The following MTF1 variants were observed in gnomAD, a reference collection of about 807,000 sequenced individuals.
MTF1 encodes metal regulatory transcription factor 1, also known as MRE-binding transcription factor.
MTF1 carries 22 observed loss-of-function variants against 70.4 expected under a neutral mutation model. That is an observed-to-expected ratio of 0.31 (90% CI 0.22 to 0.45). The LOEUF (loss-of-function observed/expected upper bound fraction) is 0.45, where lower values mean the gene tolerates loss of function less well. Among genes scored for constraint, MTF1 ranks in the 20% least tolerant of loss-of-function variants. The pLI is 1.00. For synonymous variants in MTF1, 333 were observed against 352.8 expected (o/e 0.94, Z 0.63); for missense variants, 649 against 922.0 (o/e 0.70, Z 3.83).
At chr1:37,859,043 G>T (rs1188862708) in intron 1 of MTF1, among the ~76,000 whole-genome samples, 1 of 152,212 alleles carries the variant, frequency 6.6e-6, no homozygotes, top group South Asian at 2.1e-4. Flanking sequence ...GGAGGTACCG[G>T]CCCGACCCCT....
chr1:37,823,811 G>T lies in MTF1; in HGVS notation c.1070C>A (p.Thr357Asn). 6.2e-7 allele frequency: 1 copy of T among 1,612,208 alleles called. No homozygotes were observed. The highest frequency in any genetic ancestry group is 8.5e-7 in the Non-Finnish European group (1 of 1,178,428). The change falls in exon 8 of 11, where the codon ACC becomes AAC. Residue 357 changes from threonine to asparagine, a missense_variant and splice_region_variant. Thr to Asn is a moderately conservative substitution (Grantham distance 65, BLOSUM62 0). Coordinates refer to ENST00000373036, the MANE Select transcript of MTF1 (RefSeq NM_005955.3). Reference sequence around the variant, plus strand: ...AATTGTGCTGAGGTCCTGGCCCTGGGTCTGATGGAGAGAGACAAAGATGTG... The same window carrying T: ...AATTGTGCTGAGGTCCTGGCCCTGGTTCTGATGGAGAGAGACAAAGATGTG... ...DSELRENSST[T>N]QGQDLSTISP... is the part of the protein sequence containing the mutation.
chr1:37,844,085 A>T (rs987718893), intron 2 of MTF1, among the ~76,000 whole-genome samples: 2 of 152,174 alleles, frequency 1.3e-5, no homozygotes, highest in African/African-American at 4.8e-5. Flanking sequence ...ATTAAGTCTA[A>T]AACAGTTTTC....
At chr1:37,823,495 T>C (rs566936528) in intron 8 of MTF1, among the ~76,000 whole-genome samples, 48 of 151,850 alleles carry the variant, frequency 3.2e-4, no homozygotes, top group African/African-American at 1.1e-3. Context: ...ATTTTGGTGG[T>C]TTTACAGCCA....
chr1:37,832,598 A>G lies in MTF1; in HGVS notation c.991-276T>C, dbSNP rs28508582. 2.7e-3 allele frequency among the ~76,000 whole-genome samples: 407 copies of G among 152,298 alleles called. 7 individuals carry two copies. Among genetic ancestry groups the G allele is most frequent in the Non-Finnish European group, 4.5e-3 (308 of 68,028 alleles). ...CTGCACCCATTAACTCATCATTTACATTAAGTATATCTCCTAATGCTATCC... is the reference window on the plus strand; with the variant it reads ...CTGCACCCATTAACTCATCATTTACGTTAAGTATATCTCCTAATGCTATCC... On this transcript the variant is annotated intron_variant, in intron 6 of 10. Transcript: ENST00000373036.
chr1:37,827,962 G>A (rs1243566693), intron 7 of MTF1, among the ~76,000 whole-genome samples: 1 of 151,996 alleles, frequency 6.6e-6, no homozygotes, highest in Non-Finnish European at 1.5e-5. Context: ...GCTCCAAACT[G>A]GAAACTATCC....
chr1:37,845,031 T>C (rs1641312834), intron 2 of MTF1, among the ~76,000 whole-genome samples: 1 of 152,220 alleles, frequency 6.6e-6, no homozygotes, highest in Admixed American at 6.5e-5. Context: ...TCCAATTAAA[T>C]GGGTGAATAG....
Position 37,815,076 on chromosome 1 carries a change from C to T in MTF1, c.*60G>A. The stretch of plus-strand genomic sequence containing the variant: ...CAAATTTCTGACCCATGATGGCAGG[C>T]ATTGTACCTCATGCCTCCTGCTCAC... On this transcript the variant is annotated 3_prime_UTR_variant, in exon 11 of 11. Coordinates refer to ENST00000373036, the MANE Select transcript of MTF1 (RefSeq NM_005955.3). This position sits in a 1 kb window ranked among gnomAD's most constrained non-coding sequence, Gnocchi z 4.5. The T allele has an allele frequency of 7.2e-7, 1 of 1,394,768 alleles. No individual in the cohort carries two copies. The highest frequency in any genetic ancestry group is 1.0e-6 in the Non-Finnish European group (1 of 997,900). 86.4% of individuals were successfully genotyped at this position (1,394,768 alleles called of 1,614,324 possible).
At chr1:37,846,102 T>A (rs1641328688) in intron 2 of MTF1, among the ~76,000 whole-genome samples, 1 of 152,202 alleles carries the variant, frequency 6.6e-6, no homozygotes, top group South Asian at 2.1e-4. Flanking sequence ...CTAAGGTTTA[T>A]CATTCATACA....
chr1:37,826,658 T>C (rs1380236591), intron 7 of MTF1: 2 of 434,878 alleles, frequency 4.6e-6, no homozygotes, highest in African/African-American at 2.1e-5. Flanking sequence ...GTGATCCTGA[T>C]TGCCAATATG....
chr1:37,819,190 A>G (rs953979494), intron 9 of MTF1, among the ~76,000 whole-genome samples: 22 of 152,222 alleles, frequency 1.4e-4, no homozygotes, highest in Non-Finnish European at 2.8e-4. Flanking sequence ...TTTATCAATT[A>G]CCCAGTTTGG....
intron 3 of MTF1, among the ~76,000 whole-genome samples, chr1:37,839,690 A>C (rs1467716335): frequency 6.6e-6 from 1 of 152,228 alleles, no homozygotes; most frequent in Non-Finnish European, 1.5e-5. Flanking sequence ...TGTCGCTTCT[A>C]ACCAGCCCAA....
rs1640749041 is a variant in MTF1 at position 37,812,151 on chromosome 1, C to T, written c.*2985G>A. Reference sequence around the variant, plus strand: ...GAGGGGAAAAAGGCTTGATTTTTACCTGCTAGAATTCTACAAATCCTCCCT... The same window carrying T: ...GAGGGGAAAAAGGCTTGATTTTTACTTGCTAGAATTCTACAAATCCTCCCT... On this transcript the variant is annotated 3_prime_UTR_variant, in exon 11 of 11. Transcript: ENST00000373036. 6.6e-6 allele frequency: 1 copy of T among 152,316 alleles called. No individual in the cohort carries two copies. Among genetic ancestry groups the T allele is most frequent in the Admixed American group, 6.5e-5 (1 of 15,276 alleles). 9.4% of individuals were successfully genotyped at this position (152,316 alleles called of 1,614,324 possible). A position where few individuals can be genotyped will look rare whatever the true frequency, so the allele number is the denominator to read the frequency against.
chr1:37,839,931 G>A lies in MTF1; in HGVS notation c.636C>T (p.Asn212=). ...CDVQGCEKAF[N]TLYRLKAHQR... is the part of the protein sequence containing the mutation. ...GAGACGAGACTGACCTGTACAGTGT[G>A]TTGAATGCCTTCTCACAGCCCTGCA... The change falls in exon 3 of 11, where the codon AAC becomes AAT. Residue 212 remains asparagine (N), a synonymous_variant. Transcript: ENST00000373036. 6.2e-7 allele frequency: 1 copy of A among 1,613,936 alleles called. No individual in the cohort carries two copies. Among genetic ancestry groups the A allele is most frequent in the Non-Finnish European group, 8.5e-7 (1 of 1,179,804 alleles).
At position 37,859,562 on chromosome 1, in the gene MTF1, A is replaced by T. The variant is rs1286176277; in HGVS notation, c.-83T>A. ...GGCTCCCGGCAACGGCGGCAGCAGCAGCTTCTCCCCTCCCCAGCGGCACCA... is the reference window on the plus strand; with the variant it reads ...GGCTCCCGGCAACGGCGGCAGCAGCTGCTTCTCCCCTCCCCAGCGGCACCA... On this transcript the variant is annotated 5_prime_UTR_variant, in exon 1 of 11. Coordinates refer to ENST00000373036, the MANE Select transcript of MTF1 (RefSeq NM_005955.3). 2 of 398,982 alleles carry T rather than the reference A, an allele frequency of 5.0e-6. No homozygotes were observed. The highest frequency in any genetic ancestry group is 8.8e-6 in the Non-Finnish European group (2 of 226,498). The allele number at this position is 398,982 out of a possible 1,614,324, so 24.7% of individuals were successfully genotyped here. A position where few individuals can be genotyped will look rare whatever the true frequency, so the allele number is the denominator to read the frequency against.
intron 7 of MTF1, among the ~76,000 whole-genome samples, chr1:37,825,233 T>C (rs2148404416): frequency 6.6e-6 from 1 of 152,044 alleles, no homozygotes; most frequent in Admixed American, 6.6e-5. Flanking sequence ...AGTGGCAAAA[T>C]TTTGACTTTC....
chr1:37,835,051 C>T (rs1407258440), intron 6 of MTF1, 28 bp downstream of exon 6: 1 of 1,610,162 alleles, frequency 6.2e-7, no homozygotes. Context: ...CTATGGTACC[C>T]AGATCAAGAG....
intron 2 of MTF1, among the ~76,000 whole-genome samples, chr1:37,854,313 G>A (rs1289800271): frequency 6.6e-6 from 1 of 152,104 alleles, no homozygotes; most frequent in Non-Finnish European, 1.5e-5. Context: ...CCAGCCGGGA[G>A]ATATTCTTAA....
chr1:37,819,951 C>CAAAAAAAAAAAAAAA (rs766621404), intron 9 of MTF1, among the ~76,000 whole-genome samples: 2 of 82,682 alleles, frequency 2.4e-5, no homozygotes, highest in African/African-American at 5.8e-5. Context: ...GACTCTGACT[C>CAAAAAAAAAAAAAAA]AAAAAAAAAA....
chr1:37,847,453 C>G (rs536392223), intron 2 of MTF1, among the ~76,000 whole-genome samples: 2 of 152,144 alleles, frequency 1.3e-5, no homozygotes, highest in African/African-American at 4.8e-5. Context: ...ACATAGTGAT[C>G]GGTACATATC....
Sources: allele counts gnomAD v4.1 joint callset (sites outside exome capture counted in the v4.1 genomes callset), GRCh38; gene constraint gnomAD v4.1.1; non-coding constraint Gnocchi (gnomAD v3.1); transcripts MANE v1.5; gene names NCBI Gene and HGNC (gene_info 2026-07-23, HGNC 2026-07-21).